TMEM272: variants seen among roughly 807,000 people sequenced by gnomAD.
The protein encoded by TMEM272 is long intergenic non-protein coding RNA 282.
TMEM272 carries 8 observed loss-of-function variants against 3.7 expected under a neutral mutation model. That is an observed-to-expected ratio of 2.17 (90% confidence interval 1.27 to 3.91). The LOEUF (loss-of-function observed/expected upper bound fraction) is 3.91, where lower values mean the gene tolerates loss of function less well. Ranked by LOEUF, TMEM272 falls within the 30% of genes most tolerant of loss-of-function variation. The pLI, the probability that TMEM272 is intolerant of heterozygous loss-of-function variation, is 0.00. For missense variants in TMEM272, 166 were observed against 91.5 expected (o/e 1.81, Z -3.32); for synonymous variants, 63 against 39.8 (o/e 1.58, Z -2.20).
the TMEM272 span, chr13:51,866,169 C>T: frequency 1.9e-6 from 2 of 1,071,866 alleles, no homozygotes; most frequent in Non-Finnish European, 2.6e-6. Context: ...AGAAAATACA[C>T]ACTCATTGGT....
chr13:51,904,404 T>C, the TMEM272 span, among the ~76,000 whole-genome samples: 1 of 152,222 alleles, frequency 6.6e-6, no homozygotes, highest in Admixed American at 6.5e-5. Context: ...TTGTTGTTGA[T>C]GATGATGATA....
At chr13:51,862,982 T>C in the TMEM272 span, among the ~76,000 whole-genome samples, 1 of 152,038 alleles carries the variant, frequency 6.6e-6, no homozygotes, top group Non-Finnish European at 1.5e-5. Flanking sequence ...GTGTGACAAG[T>C]AATAGTGGAG....
the TMEM272 span, chr13:51,865,709 GAA>G: frequency 1.2e-6 from 2 of 1,614,206 alleles, no homozygotes; most frequent in Middle Eastern, 1.6e-4. Flanking sequence ...CTGGGAAATG[GAA>G]AAGTCTTTCA....
chr13:51,823,186 C>A (rs534049982), intron 3 of TMEM272, among the ~76,000 whole-genome samples: 1 of 152,260 alleles, frequency 6.6e-6, no homozygotes, highest in Non-Finnish European at 1.5e-5. Context: ...TCAAGCGATT[C>A]TCCCACCTCA....
chr13:51,863,709 A>ACACC, the TMEM272 span, among the ~76,000 whole-genome samples: 1 of 64,866 alleles, frequency 1.5e-5, no homozygotes, highest in African/African-American at 4.8e-5. Context: ...ACACACACAC[A>ACACC]CCAGCTATGT....
the TMEM272 span, among the ~76,000 whole-genome samples, chr13:51,859,487 AC>A: frequency 7.5e-6 from 1 of 133,750 alleles, no homozygotes; most frequent in Non-Finnish European, 1.6e-5. Context: ...CCCAACCTGC[AC>A]CCCCGACTCC....
At chr13:51,911,354 A>G in the TMEM272 span, among the ~76,000 whole-genome samples, 10 of 152,328 alleles carry the variant, frequency 6.6e-5, no homozygotes, top group African/African-American at 2.4e-4. Flanking sequence ...TGCACGACTG[A>G]AAAACACTAG....
chr13:51,892,357 C>T, the TMEM272 span, among the ~76,000 whole-genome samples: 1 of 152,200 alleles, frequency 6.6e-6, no homozygotes, highest in Non-Finnish European at 1.5e-5. Context: ...CAGCCTGGAA[C>T]ATCTGCTGTG....
At chr13:51,908,096 GA>G in the TMEM272 span, 9 of 443,856 alleles carry the variant, frequency 2.0e-5, no homozygotes, top group Admixed American at 3.8e-5. Flanking sequence ...ACTATCCTGA[GA>G]ATTATAATTC....
At chr13:51,848,808 C>A (rs932207930), upstream of TMEM272, among the ~76,000 whole-genome samples, 5 of 152,184 alleles carry the variant, frequency 3.3e-5, no homozygotes, top group African/African-American at 1.2e-4. Flanking sequence ...TCTCACTCTT[C>A]CCCAAGATTG....
At chr13:51,912,796 A>T in the TMEM272 span, among the ~76,000 whole-genome samples, 2 of 152,220 alleles carry the variant, frequency 1.3e-5, no homozygotes, top group African/African-American at 4.8e-5. Flanking sequence ...CCTGGCACAC[A>T]GTTCACATTT....
At chr13:51,824,718 C>T (rs1168457820) in intron 3 of TMEM272, among the ~76,000 whole-genome samples, 3 of 152,120 alleles carry the variant, frequency 2.0e-5, no homozygotes, top group East Asian at 1.9e-4. Context: ...TTTGGGAGGC[C>T]GAGGCGGGCA....
At chr13:51,881,625 G>C in the TMEM272 span, among the ~76,000 whole-genome samples, 1 of 152,086 alleles carries the variant, frequency 6.6e-6, no homozygotes, top group African/African-American at 2.4e-5. Context: ...GCAGGAAGTG[G>C]GGTCTTTAGG....
chr13:51,823,277 C>T (rs1956095405), intron 3 of TMEM272, among the ~76,000 whole-genome samples: 1 of 152,208 alleles, frequency 6.6e-6, no homozygotes, highest in East Asian at 1.9e-4. Context: ...GAAGGACTCA[C>T]TATGTTGCCC....
At chr13:51,837,830 T>C (rs960508542) in intron 2 of TMEM272, among the ~76,000 whole-genome samples, 3 of 152,250 alleles carry the variant, frequency 2.0e-5, no homozygotes, top group Non-Finnish European at 4.4e-5. Flanking sequence ...CACTACCCAC[T>C]GACTGCAGCT....
chr13:51,873,862 C>A, the TMEM272 span, among the ~76,000 whole-genome samples: 1 of 152,184 alleles, frequency 6.6e-6, no homozygotes, highest in East Asian at 1.9e-4. Context: ...AGAGACTATG[C>A]AGGGAATACT....
the TMEM272 span, chr13:51,865,484 A>T: frequency 2.4e-5 from 39 of 1,614,230 alleles, no homozygotes; most frequent in African/African-American, 4.8e-4. Flanking sequence ...CTCTCCCAGT[A>T]TTCGCCAGAA....
At chr13:51,826,962 C>A (rs1056430415) in intron 2 of TMEM272, among the ~76,000 whole-genome samples, 4 of 152,206 alleles carry the variant, frequency 2.6e-5, no homozygotes, top group African/African-American at 9.6e-5. Context: ...CTGCCGGCAT[C>A]CACTGAGCCA....
At chr13:51,827,349 C>T (rs1340647371) in intron 2 of TMEM272, among the ~76,000 whole-genome samples, 4 of 152,196 alleles carry the variant, frequency 2.6e-5, no homozygotes, top group South Asian at 2.1e-4. Flanking sequence ...ATCCGGAAGC[C>T]GTTTTCCTCT....
Sources: gnomAD v4.1 joint callset for allele counts (sites outside exome capture counted in the v4.1 genomes callset) on GRCh38, gnomAD v4.1.1 for gene constraint, MANE v1.5 for transcripts, NCBI Gene and HGNC (gene_info 2026-07-23, HGNC 2026-07-21) for gene names.